The following AFF2 variants were observed in gnomAD, a reference collection of about 807,000 sequenced individuals.
The protein encoded by AFF2 is ALF transcription elongation factor 2, also known as AF4/FMR2 family member 2.
AFF2 carries 14 observed loss-of-function variants against 76.9 expected under a neutral mutation model. That is an observed-to-expected ratio of 0.18 (90% CI 0.12 to 0.28). The LOEUF is 0.28. Among genes scored for constraint, AFF2 ranks in the 10% least tolerant of loss-of-function variants. AFF2 has a pLI of 1.00. For missense variants in AFF2, 868 were observed against 1,001.1 expected, an observed-to-expected ratio of 0.87 and a Z score of 1.79; for synonymous variants, 398 against 366.7, an observed-to-expected ratio of 1.09 and a Z score of -0.98.
intron 4 of AFF2, among the ~76,000 whole-genome samples, chrX:148,828,739 C>T (rs1270722969): frequency 9.0e-6 from 1 of 111,612 alleles, no homozygotes; most frequent in Non-Finnish European, 1.9e-5. Context: ...ATGTAGAATG[C>T]CCGAGGAGTA....
chrX:148,866,580 G>A (rs782439083), intron 7 of AFF2, among the ~76,000 whole-genome samples: 1 of 112,244 alleles, frequency 8.9e-6, no homozygotes, highest in South Asian at 3.7e-4. Context: ...TAAAGAACCT[G>A]GATGTCCTGG....
In AFF2 at chrX:148,992,632, C is replaced by T. The variant is rs1228211716; in HGVS notation, c.*1300C>T. On this transcript the variant is annotated 3_prime_UTR_variant, in exon 21 of 21. Transcript: ENST00000370460. ...TAACTTTTATTTTTTTAAAATGAGTCGTGGGGTAGTGCTTCACCTTGAGAT... is the reference window on the plus strand; with the variant it reads ...TAACTTTTATTTTTTTAAAATGAGTTGTGGGGTAGTGCTTCACCTTGAGAT... 2.7e-5 allele frequency: 3 copies of T among 111,847 alleles called. No individual in the cohort carries two copies. Among genetic ancestry groups the T allele is most frequent in the Non-Finnish European group, 5.6e-5 (3 of 53,121 alleles). The allele number at this position is 111,847 out of a possible 1,213,427, so 9.2% of individuals were successfully genotyped here. A position where few individuals can be genotyped will look rare whatever the true frequency, so the allele number is the denominator to read the frequency against.
intron 7 of AFF2, among the ~76,000 whole-genome samples, chrX:148,856,604 G>A (rs1161725788): frequency 4.5e-5 from 5 of 111,514 alleles, no homozygotes; most frequent in African/African-American, 9.8e-5. Flanking sequence ...GAATACAAGA[G>A]GGAGAAAACA....
intron 1 of AFF2, among the ~76,000 whole-genome samples, chrX:148,614,620 C>CCTTT (rs782089312): frequency 2.4e-4 from 26 of 107,259 alleles, no homozygotes; most frequent in Non-Finnish European, 9.7e-5. Context: ...TTCCTTCCTT[C>CCTTT]CTTTCTTTCT....
chrX:148,662,860 T>C, intron 3 of AFF2, 92 bp downstream of exon 3: 1 of 942,056 alleles, frequency 1.1e-6, no homozygotes, highest in Non-Finnish European at 1.5e-6. Context: ...AGCTCTCATT[T>C]ACCTTAATGA....
At chrX:148,800,387 C>T (rs1462387327) in intron 3 of AFF2, among the ~76,000 whole-genome samples, 2 of 111,580 alleles carry the variant, frequency 1.8e-5, no homozygotes, top group East Asian at 2.8e-4. Flanking sequence ...TCTGTGGGTA[C>T]GATTTATAAA....
chrX:148,745,547 A>T (rs2055410405), intron 3 of AFF2, among the ~76,000 whole-genome samples: 1 of 111,925 alleles, frequency 8.9e-6, no homozygotes, highest in Non-Finnish European at 1.9e-5. Flanking sequence ...TTTAAAAATG[A>T]AACAAAGATT....
intron 1 of AFF2, among the ~76,000 whole-genome samples, chrX:148,560,328 A>T (rs1307839716): frequency 8.9e-6 from 1 of 111,992 alleles, no homozygotes; most frequent in Non-Finnish European, 1.9e-5. Flanking sequence ...CTGGCTAGCC[A>T]TATGCAGAAA....
chrX:148,669,250 T>C (rs2054394112), intron 3 of AFF2, among the ~76,000 whole-genome samples: 1 of 111,941 alleles, frequency 8.9e-6, no homozygotes, highest in Non-Finnish European at 1.9e-5. Context: ...TCAACAAGTC[T>C]CTAGGAAGTT....
chrX:148,881,598 CAAAGCTCCG>C (rs1211888630), intron 7 of AFF2, among the ~76,000 whole-genome samples: 1 of 111,279 alleles, frequency 9.0e-6, no homozygotes, highest in Admixed American at 9.6e-5. Flanking sequence ...AAGAGTAAAC[CAAAGCTCCG>C]AAACTTTCCA....
chrX:148,796,402 A>G (rs2069983289), intron 3 of AFF2, among the ~76,000 whole-genome samples: 1 of 111,858 alleles, frequency 8.9e-6, no homozygotes, highest in Admixed American at 9.5e-5. Context: ...CATTGAAAGT[A>G]AATTAATGAA....
chrX:148,826,629 T>A (rs1310616229), intron 4 of AFF2, among the ~76,000 whole-genome samples: 1 of 111,939 alleles, frequency 8.9e-6, no homozygotes, highest in East Asian at 2.8e-4. Context: ...TCATATTGAG[T>A]TTAGAAAGTT....
At chrX:148,963,927 CAATTTGTAG>C (rs1218213767) in intron 13 of AFF2, among the ~76,000 whole-genome samples, 5 of 111,695 alleles carry the variant, frequency 4.5e-5, no homozygotes, top group African/African-American at 1.6e-4. Context: ...TCCATCATAA[CAATTTGTAG>C]ATGATGCGTA....
At chrX:148,852,643 A>G (rs1365233021) in intron 7 of AFF2, among the ~76,000 whole-genome samples, 1 of 111,163 alleles carries the variant, frequency 9.0e-6, no homozygotes, top group Non-Finnish European at 1.9e-5. Context: ...GGTAATTGCA[A>G]CCACCACTTT....
chrX:148,996,848 T>C lies in AFF2; in HGVS notation c.*5516T>C, dbSNP rs1267812038. 1.8e-5 allele frequency: 2 copies of C among 112,162 alleles called. No individual in the cohort carries two copies. Among genetic ancestry groups the C allele is most frequent in the African/African-American group, 6.5e-5 (2 of 30,755 alleles). The allele number at this position is 112,162 out of a possible 1,213,427, so 9.2% of individuals were successfully genotyped here. A position where few individuals can be genotyped will look rare whatever the true frequency, so the allele number is the denominator to read the frequency against. ...CCTCACGATTGATTTTTTAAAAAGA[T>C]AAGTGAGTGTTTTTTATTTTATTAT... On this transcript the variant is annotated 3_prime_UTR_variant, in exon 21 of 21. Coordinates refer to ENST00000370460, the MANE Select transcript of AFF2 (RefSeq NM_002025.4).
chrX:148,744,035 C>T (rs2055392620), intron 3 of AFF2, among the ~76,000 whole-genome samples: 1 of 110,925 alleles, frequency 9.0e-6, no homozygotes, highest in Non-Finnish European at 1.9e-5. Flanking sequence ...ATAGAAACAG[C>T]CCAAGGAATC....
intron 3 of AFF2, among the ~76,000 whole-genome samples, chrX:148,763,995 C>A (rs1342706610): frequency 8.9e-6 from 1 of 112,137 alleles, no homozygotes; most frequent in Non-Finnish European, 1.9e-5. Flanking sequence ...CAAATAATTA[C>A]ATTAATCTGT....
At chrX:148,988,565 T>A (rs192387363) in intron 20 of AFF2, among the ~76,000 whole-genome samples, 6 of 112,046 alleles carry the variant, frequency 5.4e-5, no homozygotes, top group Admixed American at 4.7e-4. Context: ...ATGATAGAGA[T>A]GGGTTGAATT....
chrX:148,583,399 A>AT (rs1467437557), intron 1 of AFF2, among the ~76,000 whole-genome samples: 2 of 110,957 alleles, frequency 1.8e-5, no homozygotes, highest in Non-Finnish European at 3.8e-5. Flanking sequence ...TTTTAAGAGC[A>AT]TTTTTAGTTT....
Sources: gnomAD v4.1 joint callset for allele counts (sites outside exome capture counted in the v4.1 genomes callset) on GRCh38, gnomAD v4.1.1 for gene constraint, MANE v1.5 for transcripts, NCBI Gene and HGNC (gene_info 2026-07-23, HGNC 2026-07-21) for gene names.